Variants in LMX1B observed in about 807,000 individuals in gnomAD.
The protein encoded by LMX1B is LIM homeobox transcription factor 1 beta, also known as LIM homeobox transcription factor 1-beta.
Under a neutral mutation model 51.4 loss-of-function variants are expected in LMX1B, and 12 were observed. The observed-to-expected ratio is 0.23, with a 90% CI of 0.15 to 0.38. The LOEUF (loss-of-function observed/expected upper bound fraction) is 0.38. LMX1B is among the 10% of genes least tolerant of loss of function. The probability of loss-of-function intolerance (pLI) is 1.00; values close to 1 mark genes in which losing one functional copy is unlikely to be tolerated. For synonymous variants in LMX1B, 237 were observed against 235.4 expected (o/e 1.01, Z -0.06); for missense variants, 445 against 571.1 (o/e 0.78, Z 2.25).
At chr9:126,649,103 CCTACAGG>C (rs1459475987) in intron 2 of LMX1B, among the ~76,000 whole-genome samples, 2 of 152,214 alleles carry the variant, frequency 1.3e-5, no homozygotes, top group East Asian at 3.9e-4. Flanking sequence ...CTCTCCCTCA[CCTACAGG>C]CTGACCATTT....
Position 126,655,473 on chromosome 9 carries a change from C to T in LMX1B, c.327-35363C>T, listed in dbSNP as rs569036311. Among the ~76,000 whole-genome samples the T allele has an allele frequency of 2.0e-5, 3 of 152,230 alleles. No homozygotes were observed. In the South Asian group the frequency reaches 6.2e-4, roughly 32 times the overall value. On this transcript the variant is annotated intron_variant, in intron 2 of 7. Coordinates refer to ENST00000373474, the MANE Select transcript of LMX1B (RefSeq NM_001174147.2). Reference sequence around the variant, plus strand: ...ATGGTAAGGGGAGCTTTAAGGTGACCGTGTCATGGAGTGGAATCCCGGCTT... The same window carrying T: ...ATGGTAAGGGGAGCTTTAAGGTGACTGTGTCATGGAGTGGAATCCCGGCTT...
intron 5 of LMX1B, 41 bp downstream of exon 5, chr9:126,693,642 T>C (rs1182566410): frequency 6.2e-7 from 1 of 1,611,238 alleles, no homozygotes; most frequent in East Asian, 2.2e-5. Flanking sequence ...CCGGGTAGGG[T>C]GGGACTAGAG....
chr9:126,687,677 G>A (rs1008175423), intron 2 of LMX1B, among the ~76,000 whole-genome samples: 1 of 152,240 alleles, frequency 6.6e-6, no homozygotes, highest in Non-Finnish European at 1.5e-5. Flanking sequence ...ATGCTGAGAT[G>A]CAGGCAGTGT....
In LMX1B at chr9:126,625,696, TCGCCACCTC is replaced by T. The variant is rs1166092503; in HGVS notation, c.326+10132_326+10140del. On this transcript the variant is annotated intron_variant, in intron 2 of 7. Coordinates refer to ENST00000373474, the MANE Select transcript of LMX1B (RefSeq NM_001174147.2). This position sits in a 1 kb window ranked among gnomAD's most constrained non-coding sequence, Gnocchi z 5.3. ...CTCCGCCAGGCCCGTGGCGCCTTTCTCGCCACCTCCGCCGCCGCCGCCGCCACCCTCGTC... is the reference window on the plus strand; with the variant it reads ...CTCCGCCAGGCCCGTGGCGCCTTTCTCGCCGCCGCCGCCGCCACCCTCGTC... Among the ~76,000 whole-genome samples, 3 of 152,138 alleles carry T rather than the reference TCGCCACCTC, an allele frequency of 2.0e-5. No individual in the cohort carries two copies. The highest frequency in any genetic ancestry group is 2.9e-5 in the Non-Finnish European group (2 of 68,014).
intron 2 of LMX1B, among the ~76,000 whole-genome samples, chr9:126,683,232 C>T (rs1397835557): frequency 6.6e-6 from 1 of 151,072 alleles, no homozygotes; most frequent in South Asian, 2.1e-4. Context: ...AGAGCGCGCC[C>T]GTCTCGCCGC....
chr9:126,653,759 C>G (rs1836063481), intron 2 of LMX1B, among the ~76,000 whole-genome samples: 1 of 152,150 alleles, frequency 6.6e-6, no homozygotes, highest in Admixed American at 6.5e-5. Flanking sequence ...ACCCTTCATC[C>G]CCAGCCCCCT....
At chr9:126,684,175 G>T (rs1156657433) in intron 2 of LMX1B, among the ~76,000 whole-genome samples, 1 of 152,178 alleles carries the variant, frequency 6.6e-6, no homozygotes, top group Non-Finnish European at 1.5e-5. Flanking sequence ...AGCAGTGGTT[G>T]CTGCTGGGAC....
chr9:126,664,413 G>C (rs1014135282), intron 2 of LMX1B, among the ~76,000 whole-genome samples: 2 of 152,210 alleles, frequency 1.3e-5, no homozygotes, highest in African/African-American at 4.8e-5. Context: ...AGGGATGGGG[G>C]GGAGGCAGTT....
At position 126,639,184 on chromosome 9, in the gene LMX1B, T is replaced by C. The variant is rs546266325; in HGVS notation, c.326+23615T>C. 5.9e-5 allele frequency among the ~76,000 whole-genome samples: 9 copies of C among 151,914 alleles called. No individual in the cohort carries two copies. The East Asian group carries it at 1.7e-3, about 29-fold the overall frequency. The stretch of plus-strand genomic sequence containing the variant: ...AAGAGAGGAGGGGAGGGAGAGACAG[T>C]GAGGCAGGGGCAGAGCCAGAAGCTA... On this transcript the variant is annotated intron_variant, in intron 2 of 7. Coordinates refer to ENST00000373474, the MANE Select transcript of LMX1B (RefSeq NM_001174147.2).
intron 2 of LMX1B, among the ~76,000 whole-genome samples, chr9:126,633,842 G>A (rs1835671154): frequency 6.6e-6 from 1 of 152,202 alleles, no homozygotes; most frequent in Non-Finnish European, 1.5e-5. Context: ...AAGCCTCATA[G>A]TCTGTGAGGC....
In LMX1B at chr9:126,639,263, C is replaced by T. The variant is rs192757077; in HGVS notation, c.326+23694C>T. ...CTGGAGCCCAGTGGCGCTGGGGTCC[C>T]GCTTTGCCGGGTGAGGGTCCCTCTG... is the stretch of plus-strand genomic sequence containing the variant. On this transcript the variant is annotated intron_variant, in intron 2 of 7. Transcript: ENST00000373474. 3.9e-3 allele frequency among the ~76,000 whole-genome samples: 589 copies of T among 152,270 alleles called. 2 individuals are homozygous for T. The highest frequency in any genetic ancestry group is 5.0e-3 in the Non-Finnish European group (339 of 68,002).
intron 2 of LMX1B, among the ~76,000 whole-genome samples, chr9:126,624,585 G>A (rs1835482994): frequency 6.6e-6 from 1 of 152,102 alleles, no homozygotes; most frequent in Admixed American, 6.5e-5. Flanking sequence ...AGTTCCCGGC[G>A]CGGATGCTAG....
intron 2 of LMX1B, among the ~76,000 whole-genome samples, chr9:126,644,321 T>G (rs1835860971): frequency 6.6e-6 from 1 of 152,172 alleles, no homozygotes; most frequent in Non-Finnish European, 1.5e-5. Flanking sequence ...GGTGAGCTAT[T>G]GATCGACCGA....
At chr9:126,689,029 AT>A (rs1256326159) in intron 2 of LMX1B, among the ~76,000 whole-genome samples, 4 of 152,142 alleles carry the variant, frequency 2.6e-5, no homozygotes, top group Non-Finnish European at 5.9e-5. Context: ...TGACATCTCC[AT>A]TTTACAGGAG....
At chr9:126,684,753 G>A (rs10121915) in intron 2 of LMX1B, among the ~76,000 whole-genome samples, 68,864 of 151,926 alleles carry the variant, frequency 0.45, 15,888 homozygotes, top group East Asian at 0.53. Context: ...GGTACCCCCC[G>A]TGGTCTTTCC....
chr9:126,630,034 G>A (rs540706965), intron 2 of LMX1B, among the ~76,000 whole-genome samples: 7 of 151,942 alleles, frequency 4.6e-5, no homozygotes, highest in East Asian at 1.9e-4. Context: ...TGACCTACTC[G>A]GGAGTAGCTC....
chr9:126,679,079 C>T (rs920370401), intron 2 of LMX1B, among the ~76,000 whole-genome samples: 1 of 152,222 alleles, frequency 6.6e-6, no homozygotes, highest in Non-Finnish European at 1.5e-5. Flanking sequence ...GCATGGAATA[C>T]CTGCTCTCCC....
In LMX1B at chr9:126,698,218, C is replaced by T. The variant is rs913850697; in HGVS notation, c.*1767C>T. On this transcript the variant is annotated 3_prime_UTR_variant, in exon 8 of 8. Coordinates refer to ENST00000373474, the MANE Select transcript of LMX1B (RefSeq NM_001174147.2). Reference sequence around the variant, plus strand: ...TGAATGAGGGACCGTGACCTCTTTCCTTTTCCATTCCTTCTTACTCGATTC... The same window carrying T: ...TGAATGAGGGACCGTGACCTCTTTCTTTTTCCATTCCTTCTTACTCGATTC... 6.6e-6 allele frequency: 1 copy of T among 152,394 alleles called. No individual in the cohort carries two copies. Among genetic ancestry groups the T allele is most frequent in the Non-Finnish European group, 1.5e-5 (1 of 68,188 alleles). The allele number at this position is 152,394 out of a possible 1,614,324, so 9.4% of individuals were successfully genotyped here. A position where few individuals can be genotyped will look rare whatever the true frequency, so the allele number is the denominator to read the frequency against.
In LMX1B at chr9:126,615,214, G is replaced by T. The variant is rs1835278946; in HGVS notation, c.140-169G>T. ...GGAGCCCGAGGACTGGGACGGACTA[G>T]CCGGGGCCGCCCGGCCCCTGGCGCG... On this transcript the variant is annotated intron_variant, in intron 1 of 7. Coordinates refer to ENST00000373474, the MANE Select transcript of LMX1B (RefSeq NM_001174147.2). The surrounding 1 kb of genome is among the most constrained non-coding windows in gnomAD (Gnocchi z 6.0). 6.6e-6 allele frequency among the ~76,000 whole-genome samples: 1 copy of T among 151,682 alleles called. No homozygotes were observed. Among genetic ancestry groups the T allele is most frequent in the African/African-American group, 2.4e-5 (1 of 41,354 alleles).
Sources: allele counts gnomAD v4.1 joint callset (sites outside exome capture counted in the v4.1 genomes callset), GRCh38; gene constraint gnomAD v4.1.1; non-coding constraint Gnocchi (gnomAD v3.1); transcripts MANE v1.5; gene names NCBI Gene and HGNC (gene_info 2026-07-23, HGNC 2026-07-21).